UNC13C: variants seen among roughly 807,000 people sequenced by gnomAD.
The protein encoded by UNC13C is protein unc-13 homolog C.
UNC13C carries 174 observed loss-of-function variants against 245.4 expected under a neutral mutation model. That is an observed-to-expected ratio of 0.71 (90% CI 0.63 to 0.80). The LOEUF (loss-of-function observed/expected upper bound fraction) is 0.80, where lower values mean the gene tolerates loss of function less well. Ranked by LOEUF, UNC13C falls within the 30% of genes least tolerant of loss-of-function variation. The probability of loss-of-function intolerance (pLI) is 0.00; values close to 1 mark genes in which losing one functional copy is unlikely to be tolerated. For missense variants in UNC13C, 2,829 were observed against 2,602.9 expected (o/e 1.09, Z -1.89); for synonymous variants, 992 against 895.1 (o/e 1.11, Z -1.93).
intron 17 of UNC13C, among the ~76,000 whole-genome samples, chr15:54,350,262 T>C (rs2038952911): frequency 6.6e-6 from 1 of 152,154 alleles, no homozygotes; most frequent in African/African-American, 2.4e-5. Context: ...AGTGCTGGGA[T>C]TACAGGCGTG....
At chr15:53,962,453 A>T in the UNC13C span, among the ~76,000 whole-genome samples, 1 of 152,134 alleles carries the variant, frequency 6.6e-6, no homozygotes, top group African/African-American at 2.4e-5. Flanking sequence ...ATTTGAAATT[A>T]TTTTATTTTC....
At chr15:53,869,814 C>T in the UNC13C span, among the ~76,000 whole-genome samples, 2 of 152,098 alleles carry the variant, frequency 1.3e-5, no homozygotes, top group Non-Finnish European at 2.9e-5. Context: ...GGTAATTGAC[C>T]CAGTTGCTAA....
In UNC13C at chr15:54,525,419, A is replaced by G. The variant is rs559358337; in HGVS notation, c.5458-130A>G. 1.9e-5 allele frequency: 11 copies of G among 571,018 alleles called. No individual in the cohort carries two copies. In the East Asian group the frequency reaches 3.5e-4, roughly 18 times the overall value. The allele number at this position is 571,018 out of a possible 1,614,324, so 35.4% of individuals were successfully genotyped here. A position where few individuals can be genotyped will look rare whatever the true frequency, so the allele number is the denominator to read the frequency against. ...AGATTTGATTTCAAAGACCAAAAAA[A>G]AAAAAAAAGAAGAGAAAAAAGCTTA... is the stretch of plus-strand genomic sequence containing the variant. On this transcript the variant is annotated intron_variant, in intron 24 of 32. Coordinates refer to ENST00000260323, the MANE Select transcript of UNC13C (RefSeq NM_001080534.3).
At chr15:54,516,537 T>C (rs1418934682) in intron 24 of UNC13C, among the ~76,000 whole-genome samples, 1 of 152,106 alleles carries the variant, frequency 6.6e-6, no homozygotes, top group Non-Finnish European at 1.5e-5. Flanking sequence ...GTGTGGTAGC[T>C]CGTTCCTGTA....
intron 4 of UNC13C, among the ~76,000 whole-genome samples, chr15:54,176,433 G>T (rs2033618305): frequency 6.6e-6 from 1 of 151,916 alleles, no homozygotes; most frequent in Non-Finnish European, 1.5e-5. Context: ...TTGAGATCTG[G>T]CTTACCTTGG....
At chr15:54,146,191 A>G (rs2032248180) in intron 4 of UNC13C, among the ~76,000 whole-genome samples, 1 of 152,170 alleles carries the variant, frequency 6.6e-6, no homozygotes, top group South Asian at 2.1e-4. Flanking sequence ...AAAATGAAAT[A>G]CTATTTAAAT....
chr15:53,872,439 G>A, the UNC13C span, among the ~76,000 whole-genome samples: 1 of 152,024 alleles, frequency 6.6e-6, no homozygotes. Flanking sequence ...TTCAACTCAA[G>A]TTAGAATTAT....
chr15:53,899,184 A>G, the UNC13C span, among the ~76,000 whole-genome samples: 22,560 of 152,158 alleles, frequency 0.15, 1,843 homozygotes, highest in East Asian at 0.28. Flanking sequence ...ATTTATGTAT[A>G]TGTTTATTAT....
At chr15:53,994,542 A>C (rs1894531661) in intron 1 of UNC13C, among the ~76,000 whole-genome samples, 1 of 152,100 alleles carries the variant, frequency 6.6e-6, no homozygotes. Context: ...AAATACTCTA[A>C]AGAGGAAAAG....
chr15:54,003,968 G>A (rs767347379), intron 1 of UNC13C, among the ~76,000 whole-genome samples: 3 of 152,114 alleles, frequency 2.0e-5, no homozygotes, highest in Non-Finnish European at 2.9e-5. Flanking sequence ...CCGAGATCCT[G>A]CCACAGCACT....
At chr15:54,528,185 G>T (rs1005406574) in intron 25 of UNC13C, among the ~76,000 whole-genome samples, 1 of 152,100 alleles carries the variant, frequency 6.6e-6, no homozygotes, top group African/African-American at 2.4e-5. Context: ...ATGCTCACAG[G>T]GCACCTACCT....
At chr15:53,886,096 T>C in the UNC13C span, among the ~76,000 whole-genome samples, 1 of 152,202 alleles carries the variant, frequency 6.6e-6, no homozygotes, top group Admixed American at 6.5e-5. Context: ...TGGGAACTCA[T>C]GTTTAGATGG....
At chr15:54,045,126 A>G (rs1214247735) in intron 2 of UNC13C, among the ~76,000 whole-genome samples, 2 of 152,216 alleles carry the variant, frequency 1.3e-5, no homozygotes, top group South Asian at 4.1e-4. Flanking sequence ...TGTTTTTGGT[A>G]TCATAGCTAA....
chr15:54,014,233 A>G lies in UNC13C; in HGVS notation c.1330A>G (p.Asn444Asp), dbSNP rs1304533170. ...LSTPEPKIKKNNWQSPDDSDE... is the reference protein window; with the variant it reads ...LSTPEPKIKKDNWQSPDDSDE... ...TACTCCAGAGCCAAAAATCAAGAAGAACAATTGGCAGTCACCTGATGACAG... is the reference window on the plus strand; with the variant it reads ...TACTCCAGAGCCAAAAATCAAGAAGGACAATTGGCAGTCACCTGATGACAG... Residue 444 changes from asparagine to aspartate, a missense_variant, in exon 2 of 33, where the codon AAC becomes GAC. Transcript: ENST00000260323. 1 of 1,613,792 alleles carries G rather than the reference A, an allele frequency of 6.2e-7. No homozygotes were observed. Among genetic ancestry groups the G allele is most frequent in the Non-Finnish European group, 8.5e-7 (1 of 1,179,806 alleles).
chr15:54,138,992 G>A (rs1401427285), intron 2 of UNC13C, among the ~76,000 whole-genome samples: 5 of 41,496 alleles, frequency 1.2e-4, no homozygotes, highest in African/African-American at 4.5e-4. Context: ...ACGGAGTCTC[G>A]CTTTGTCGCC....
At chr15:54,439,672 A>C (rs1194189417) in intron 19 of UNC13C, among the ~76,000 whole-genome samples, 1 of 151,880 alleles carries the variant, frequency 6.6e-6, no homozygotes, top group Admixed American at 6.6e-5. Context: ...ATATTTGTAC[A>C]TATTTATGGG....
intron 2 of UNC13C, among the ~76,000 whole-genome samples, chr15:54,034,224 C>T (rs773745139): frequency 8.5e-5 from 13 of 152,182 alleles, no homozygotes; most frequent in Non-Finnish European, 1.5e-4. Flanking sequence ...TTTGGTGCCT[C>T]AGCTCTAGCT....
At chr15:54,296,028 T>TG (rs2037419612) in intron 11 of UNC13C, among the ~76,000 whole-genome samples, 1 of 152,278 alleles carries the variant, frequency 6.6e-6, no homozygotes, top group Non-Finnish European at 1.5e-5. Flanking sequence ...AAGTTTTGAC[T>TG]GAAAGCCTTT....
intron 30 of UNC13C, among the ~76,000 whole-genome samples, chr15:54,614,580 T>C (rs1360522421): frequency 6.6e-6 from 1 of 151,966 alleles, no homozygotes; most frequent in Non-Finnish European, 1.5e-5. Flanking sequence ...GCTTTTGAAG[T>C]TTTGAAAATT....
Sources: gnomAD v4.1 joint callset for allele counts (sites outside exome capture counted in the v4.1 genomes callset) on GRCh38, gnomAD v4.1.1 for gene constraint, MANE v1.5 for transcripts, NCBI Gene and HGNC (gene_info 2026-07-23, HGNC 2026-07-21) for gene names.